Variants in SPTBN4 observed in about 807,000 individuals in gnomAD.
The protein encoded by SPTBN4 is spectrin beta, non-erythrocytic 4.
SPTBN4 carries 96 observed loss-of-function variants against 277.8 expected under a neutral mutation model. The observed-to-expected ratio is 0.35, with a 90% CI of 0.29 to 0.41. SPTBN4 has a LOEUF of 0.41. SPTBN4 is among the 10% of genes least tolerant of loss of function. The pLI is 1.00. For synonymous variants in SPTBN4, 1,481 were observed against 1,580.3 expected, an observed-to-expected ratio of 0.94 and a Z score of 1.49; for missense variants, 3,006 against 3,595.7, an observed-to-expected ratio of 0.84 and a Z score of 4.19.
intron 6 of SPTBN4, among the ~76,000 whole-genome samples, chr19:40,497,039 C>G (rs992656548): frequency 6.9e-6 from 1 of 144,886 alleles, no homozygotes; most frequent in African/African-American, 2.6e-5. Context: ...CGCCCCTGCA[C>G]TCCAGCCTGG....
intron 20 of SPTBN4, among the ~76,000 whole-genome samples, chr19:40,538,320 C>T (rs868604599): frequency 1.7e-4 from 24 of 138,950 alleles, no homozygotes; most frequent in African/African-American, 6.0e-4. Flanking sequence ...ACTTGAGAGG[C>T]GGAGGTTGCA....
At chr19:40,487,884 C>T in intron 3 of SPTBN4, 36 bp downstream of exon 3, 1 of 1,545,026 alleles carries the variant, frequency 6.5e-7, no homozygotes, top group East Asian at 2.3e-5. Flanking sequence ...AGGGGTCCTC[C>T]CTGGGGTCTC....
At chr19:40,501,893 T>G in intron 7 of SPTBN4, 28 bp from the exon 8 acceptor site, 1 of 1,521,690 alleles carries the variant, frequency 6.6e-7, no homozygotes, top group Non-Finnish European at 8.9e-7. Flanking sequence ...GCCCACTGTC[T>G]TGTTTCCCCA....
At chr19:40,528,672 C>T (rs1200461955) in intron 17 of SPTBN4, among the ~76,000 whole-genome samples, 4 of 151,990 alleles carry the variant, frequency 2.6e-5, no homozygotes, top group Non-Finnish European at 4.4e-5. Context: ...TTCTCTCTCT[C>T]GCTCTCTTTC....
chr19:40,496,822 C>T (rs1462381276), intron 6 of SPTBN4, among the ~76,000 whole-genome samples: 2 of 151,974 alleles, frequency 1.3e-5, no homozygotes, highest in Admixed American at 6.6e-5. Context: ...CCTGTAATCC[C>T]TGCACTTTGG....
At position 40,515,870 on chromosome 19, in the gene SPTBN4, G is replaced by GCA. The variant is rs201088052; in HGVS notation, c.2903+423_2903+424insAC. The stretch of plus-strand genomic sequence containing the variant: ...AAACCCCGTCTCTCTCTCTACGTGC[G>GCA]CGCACACACACACACACACACACAC... On this transcript the variant is annotated intron_variant, in intron 15 of 35. Coordinates refer to ENST00000598249, the MANE Select transcript of SPTBN4 (RefSeq NM_020971.3). The surrounding 1 kb of genome is among the most constrained non-coding windows in gnomAD (Gnocchi z 4.1). 0.1 allele frequency among the ~76,000 whole-genome samples: 12,754 copies of GCA among 123,998 alleles called. 1,122 individuals carry two copies. Among genetic ancestry groups the GCA allele is most frequent in the South Asian group, 0.15 (591 of 3,962 alleles). 81.3% of individuals were successfully genotyped at this position (123,998 alleles called of 152,430 possible).
At chr19:40,552,013 C>T (rs1303905403) in intron 22 of SPTBN4, among the ~76,000 whole-genome samples, 4 of 148,862 alleles carry the variant, frequency 2.7e-5, no homozygotes, top group Non-Finnish European at 4.5e-5. Flanking sequence ...AAAAAAACAT[C>T]GATTAAAGAT....
At chr19:40,486,466 G>T (rs1407442183) in intron 2 of SPTBN4, among the ~76,000 whole-genome samples, 7 of 151,718 alleles carry the variant, frequency 4.6e-5, no homozygotes, top group Non-Finnish European at 8.8e-5. Flanking sequence ...ACCTCCCAAG[G>T]CCAAGCGATC....
At position 40,554,748 on chromosome 19, in the gene SPTBN4, G is replaced by T. The variant is rs761538043; in HGVS notation, c.5084+102G>T. 1.3e-6 allele frequency: 2 copies of T among 1,519,456 alleles called. No individual in the cohort carries two copies. Among genetic ancestry groups the T allele is most frequent in the South Asian group, 2.4e-5 (2 of 82,486 alleles). The allele number at this position is 1,519,456 out of a possible 1,614,324, so 94.1% of individuals were successfully genotyped here. On this transcript the variant is annotated intron_variant, in intron 24 of 35. Transcript: ENST00000598249. This position sits in a 1 kb window ranked among gnomAD's most constrained non-coding sequence, Gnocchi z 5.7. Reference sequence around the variant, plus strand: ...CTGGAATTGGACGTTGGGTGGGAGAGGTCCTCCTTGCTGTGTGCTGGAGCC... The same window carrying T: ...CTGGAATTGGACGTTGGGTGGGAGATGTCCTCCTTGCTGTGTGCTGGAGCC...
chr19:40,530,131 TGTG>T (rs1252912720), intron 18 of SPTBN4, among the ~76,000 whole-genome samples: 1 of 152,036 alleles, frequency 6.6e-6, no homozygotes, highest in Non-Finnish European at 1.5e-5. Flanking sequence ...CCTGTCCACA[TGTG>T]GTGGCCAGGA....
intron 12 of SPTBN4, among the ~76,000 whole-genome samples, chr19:40,504,717 G>A (rs1303742214): frequency 4.0e-5 from 6 of 151,354 alleles, no homozygotes; most frequent in South Asian, 2.1e-4. Context: ...GCGTGGTGGC[G>A]TGTGCCTGTA....
Position 40,554,106 on chromosome 19 carries a change from C to G in SPTBN4, c.4675-41C>G. ...CGTGTGGTCTTGCAGGGCCTCGGAA[C>G]GCCCCCTCTCCACCCACATCCCCTT... On this transcript the variant is annotated intron_variant, in intron 22 of 35. Transcript: ENST00000598249. The surrounding 1 kb of genome is among the most constrained non-coding windows in gnomAD (Gnocchi z 5.7). 2 of 1,404,812 alleles carry G rather than the reference C, an allele frequency of 1.4e-6. No individual in the cohort carries two copies. The highest frequency in any genetic ancestry group is 1.8e-6 in the Non-Finnish European group (2 of 1,090,964). The allele number at this position is 1,404,812 out of a possible 1,614,324, so 87.0% of individuals were successfully genotyped here.
At chr19:40,545,147 T>C (rs908998139) in intron 20 of SPTBN4, among the ~76,000 whole-genome samples, 17 of 151,956 alleles carry the variant, frequency 1.1e-4, no homozygotes, top group Admixed American at 9.2e-4. Context: ...CCAGGCTGAA[T>C]TGCAGCGACG....
intron 2 of SPTBN4, among the ~76,000 whole-genome samples, chr19:40,479,565 C>T (rs2079986052): frequency 6.6e-6 from 1 of 151,408 alleles, no homozygotes; most frequent in Non-Finnish European, 1.5e-5. Context: ...CCTCGACCTC[C>T]CAAAGTGTTG....
At chr19:40,543,287 C>CA (rs2080821578) in intron 20 of SPTBN4, among the ~76,000 whole-genome samples, 1 of 151,776 alleles carries the variant, frequency 6.6e-6, no homozygotes, top group South Asian at 2.1e-4. Context: ...CCACCTCTAC[C>CA]AAAAAAGAAA....
Position 40,554,588 on chromosome 19 carries a change from A to G in SPTBN4, c.5026A>G (p.Ser1676Gly). ...LEQGVENYEE[S>G]IAQLSRQCRA... Reference sequence around the variant, plus strand: ...GCAAGGCGTGGAGAACTACGAGGAAAGCATCGCGCAGCTGTCGCGCCAGTG... The same window carrying G: ...GCAAGGCGTGGAGAACTACGAGGAAGGCATCGCGCAGCTGTCGCGCCAGTG... Residue 1676 changes from serine (S) to glycine (G), a missense_variant, in exon 24 of 36, where the codon AGC becomes GGC. Physicochemically the swap from Ser to Gly is moderately conservative, Grantham distance 56. Coordinates refer to ENST00000598249, the MANE Select transcript of SPTBN4 (RefSeq NM_020971.3). The surrounding 1 kb of genome is among the most constrained non-coding windows in gnomAD (Gnocchi z 5.7). The G allele has an allele frequency of 6.5e-7, 1 of 1,548,224 alleles. No homozygotes were observed. The highest frequency in any genetic ancestry group is 8.7e-7 in the Non-Finnish European group (1 of 1,146,236).
In SPTBN4 at chr19:40,484,942, CAAAACAAAAACCAA is replaced by C. The variant is rs796354285; in HGVS notation, c.170-2744_170-2731del. On this transcript the variant is annotated intron_variant, in intron 2 of 35. Transcript: ENST00000598249. ...GTGAGACTCCGTCTCAAAAAAAAAA[CAAAACAAAAACCAA>C]AAAACAAAAAACAAAAAAACCACTT... Among the ~76,000 whole-genome samples, 287 of 128,708 alleles carry C rather than the reference CAAAACAAAAACCAA, an allele frequency of 2.2e-3. 4 individuals carry two copies. The highest frequency in any genetic ancestry group is 0.01 in the African/African-American group (260 of 25,416). 84.4% of individuals were successfully genotyped at this position (128,708 alleles called of 152,430 possible). A position where few individuals can be genotyped will look rare whatever the true frequency, so the allele number is the denominator to read the frequency against.
At chr19:40,479,074 C>A (rs1435679388) in intron 2 of SPTBN4, among the ~76,000 whole-genome samples, 1 of 152,042 alleles carries the variant, frequency 6.6e-6, no homozygotes, top group Non-Finnish European at 1.5e-5. Flanking sequence ...TTTTGCATCC[C>A]TTTGCCCAGC....
chr19:40,528,553 ACTC>A (rs565753355), intron 17 of SPTBN4, among the ~76,000 whole-genome samples: 105 of 149,386 alleles, frequency 7.0e-4, no homozygotes, highest in African/African-American at 4.4e-4. Flanking sequence ...CCCTGACCGG[ACTC>A]CTCCTGTCAC....
Sources: allele counts gnomAD v4.1 joint callset (sites outside exome capture counted in the v4.1 genomes callset), GRCh38; gene constraint gnomAD v4.1.1; non-coding constraint Gnocchi (gnomAD v3.1); transcripts MANE v1.5; gene names NCBI Gene and HGNC (gene_info 2026-07-23, HGNC 2026-07-21).